PTBP3: variants seen among roughly 807,000 people sequenced by gnomAD.
The protein encoded by PTBP3 is polypyrimidine tract-binding protein 3.
In PTBP3, 20 loss-of-function variants were observed where a neutral mutation model predicts 58.7. That is an observed-to-expected ratio of 0.34 (90% CI 0.24 to 0.50). The LOEUF is 0.50. Among genes scored for constraint, PTBP3 ranks in the 20% least tolerant of loss-of-function variants. PTBP3 has a pLI of 0.98. For synonymous variants in PTBP3, 185 were observed against 219.8 expected (o/e 0.84, Z 1.40); for missense variants, 509 against 637.2 (o/e 0.80, Z 2.17).
chr9:112,367,627 T>C, the PTBP3 span, among the ~76,000 whole-genome samples: 1 of 152,230 alleles, frequency 6.6e-6, no homozygotes, highest in Non-Finnish European at 1.5e-5. Flanking sequence ...CATGGTTTCC[T>C]GGCCTGCAAG....
At chr9:112,349,631 G>A in the PTBP3 span, among the ~76,000 whole-genome samples, 1 of 151,910 alleles carries the variant, frequency 6.6e-6, no homozygotes, top group Non-Finnish European at 1.5e-5. Flanking sequence ...GGCTGAGGCG[G>A]GTGGATCACC....
At chr9:112,336,483 A>T (rs1418162507), upstream of PTBP3, among the ~76,000 whole-genome samples, 3 of 138,160 alleles carry the variant, frequency 2.2e-5, no homozygotes, top group East Asian at 4.1e-4. Flanking sequence ...TTCTTTATTT[A>T]AAAAAAAAAA....
intron 5 of PTBP3, among the ~76,000 whole-genome samples, chr9:112,261,841 T>C (rs1419408600): frequency 6.6e-6 from 1 of 152,228 alleles, no homozygotes; most frequent in Non-Finnish European, 1.5e-5. Flanking sequence ...TATTCTATAC[T>C]TATCAATTAT....
At position 112,232,086 on chromosome 9, in the gene PTBP3, C is replaced by T; in HGVS notation, c.1020+13G>A. ...CCTGAAAGACTATTTACATATAATA[C>T]TTTTCAACTCACATCAGGATTGAGA... On this transcript the variant is annotated intron_variant, in intron 9 of 13. Coordinates refer to ENST00000374257, the MANE Select transcript of PTBP3 (RefSeq NM_001163788.4). 6.3e-7 allele frequency: 1 copy of T among 1,598,368 alleles called. No individual in the cohort carries two copies. The highest frequency in any genetic ancestry group is 8.5e-7 in the Non-Finnish European group (1 of 1,175,104).
chr9:112,366,981 G>C, the PTBP3 span, among the ~76,000 whole-genome samples: 21 of 152,212 alleles, frequency 1.4e-4, no homozygotes, highest in Admixed American at 9.8e-4. Flanking sequence ...GAGACATGGA[G>C]TCAAAGGTGA....
At position 112,258,624 on chromosome 9, in the gene PTBP3, G is replaced by T. The variant is rs144736053; in HGVS notation, c.516+3811C>A. 2.0e-5 allele frequency among the ~76,000 whole-genome samples: 3 copies of T among 152,044 alleles called. No homozygotes were observed. The East Asian group carries it at 5.8e-4, about 29-fold the overall frequency. On this transcript the variant is annotated intron_variant, in intron 5 of 13. Transcript: ENST00000374257. The stretch of plus-strand genomic sequence containing the variant: ...TACATCTTAGCTCCATTTTACCAGA[G>T]GCTCAGGTCCAAAATCTGGGAGGCA...
At chr9:112,274,058 C>T (rs1288333903) in intron 3 of PTBP3, among the ~76,000 whole-genome samples, 1 of 152,158 alleles carries the variant, frequency 6.6e-6, no homozygotes, top group Non-Finnish European at 1.5e-5. Flanking sequence ...CCATACTATT[C>T]TCAGTAGTAG....
At chr9:112,367,992 GTTCTT>G in the PTBP3 span, among the ~76,000 whole-genome samples, 1 of 150,144 alleles carries the variant, frequency 6.7e-6, no homozygotes, top group Non-Finnish European at 1.5e-5. Flanking sequence ...TTTTCTTTTT[GTTCTT>G]TTCATTGTTG....
intron 1 of PTBP3, among the ~76,000 whole-genome samples, chr9:112,320,314 A>ATATATATATATATATATTTTTTT: frequency 1.8e-4 from 14 of 75,684 alleles, no homozygotes; most frequent in Non-Finnish European, 3.0e-4. Context: ...ATATATATAT[A>ATATATATATATATATATTTTTTT]TTTTTTTTTA....
intron 4 of PTBP3, among the ~76,000 whole-genome samples, chr9:112,263,193 G>A (rs371562806): frequency 4.8e-4 from 73 of 152,236 alleles, no homozygotes; most frequent in African/African-American, 1.6e-3. Context: ...CCAAATCTAG[G>A]ACAATCTGTG....
rs575708574 is a variant in PTBP3 at position 112,302,526 on chromosome 9, T to C, written c.-51-4610A>G. ...GGCACCTAGACGAGGTGTTAAACTG[T>C]TAACACAGGCCCCAGACAAGGGCTA... On this transcript the variant is annotated intron_variant, in intron 1 of 13. Coordinates refer to ENST00000374257, the MANE Select transcript of PTBP3 (RefSeq NM_001163788.4). 4.7e-5 allele frequency among the ~76,000 whole-genome samples: 7 copies of C among 150,204 alleles called. No individual in the cohort carries two copies. The East Asian group carries it at 1.2e-3, about 25-fold the overall frequency.
At chr9:112,290,738 A>T (rs192230087) in intron 2 of PTBP3, among the ~76,000 whole-genome samples, 1 of 148,494 alleles carries the variant, frequency 6.7e-6, no homozygotes, top group African/African-American at 2.5e-5. Flanking sequence ...ACACACACAC[A>T]ATCAAGTGTT....
At chr9:112,280,651 T>C (rs147845610) in intron 2 of PTBP3, among the ~76,000 whole-genome samples, 1 of 152,294 alleles carries the variant, frequency 6.6e-6, no homozygotes, top group Non-Finnish European at 1.5e-5. Flanking sequence ...AGATTTTACC[T>C]TGTATTCTGT....
At chr9:112,228,109 A>C (rs569122802) in intron 11 of PTBP3, among the ~76,000 whole-genome samples, 150 of 152,336 alleles carry the variant, frequency 9.8e-4, no homozygotes, top group African/African-American at 3.5e-3. Flanking sequence ...AATAAAACAA[A>C]TCATGCTTAT....
At chr9:112,379,655 G>T in the PTBP3 span, among the ~76,000 whole-genome samples, 80 of 152,290 alleles carry the variant, frequency 5.3e-4, no homozygotes, top group African/African-American at 1.9e-3. Flanking sequence ...TCCTAAGAGG[G>T]GGCCGAGAGA....
At chr9:112,285,920 T>C (rs1257682297) in intron 2 of PTBP3, among the ~76,000 whole-genome samples, 1 of 152,222 alleles carries the variant, frequency 6.6e-6, no homozygotes, top group Non-Finnish European at 1.5e-5. Flanking sequence ...TCTCTAAATA[T>C]ACTTGAAGAT....
At chr9:112,332,832 G>C in intron 1 of PTBP3, 1 of 1,612,120 alleles carries the variant, frequency 6.2e-7, no homozygotes, top group Non-Finnish European at 8.5e-7. Flanking sequence ...AAGGTGAGGG[G>C]GAAGCGTCCA....
At chr9:112,321,250 G>A (rs1294349622) in intron 1 of PTBP3, among the ~76,000 whole-genome samples, 2 of 152,118 alleles carry the variant, frequency 1.3e-5, no homozygotes, top group Admixed American at 6.6e-5. Flanking sequence ...AAAGAAAACT[G>A]GCCGGGCATG....
rs146999681 is a variant in PTBP3, at chr9:112,277,946, T to TATAACATAACATAAC, written c.35-1948_35-1934dup. Among the ~76,000 whole-genome samples the TATAACATAACATAAC allele has an allele frequency of 2.9e-4, 17 of 58,206 alleles. No homozygotes were observed. In the East Asian group the frequency reaches 4.8e-3, roughly 16 times the overall value. 38.2% of individuals were successfully genotyped at this position (58,206 alleles called of 152,430 possible). A position where few individuals can be genotyped will look rare whatever the true frequency, so the allele number is the denominator to read the frequency against. ...CATAACATAACATAACATAACATAA[T>TATAACATAACATAAC]ATAACATAACATAACATAACATAAC... is the stretch of plus-strand genomic sequence containing the variant. On this transcript the variant is annotated intron_variant, in intron 2 of 13. Transcript: ENST00000374257.
Sources: allele counts gnomAD v4.1 joint callset (sites outside exome capture counted in the v4.1 genomes callset), GRCh38; gene constraint gnomAD v4.1.1; transcripts MANE v1.5; gene names NCBI Gene and HGNC (gene_info 2026-07-23, HGNC 2026-07-21).